Variants in PRF1 observed in about 807,000 individuals in gnomAD.
The protein encoded by PRF1 is perforin-1.
PRF1 carries 11 observed loss-of-function variants against 11.7 expected under a neutral mutation model. That is an observed-to-expected ratio of 0.94 (90% CI 0.59 to 1.56). The LOEUF (loss-of-function observed/expected upper bound fraction) is 1.56. Among genes scored for constraint, PRF1 ranks in the 40% most tolerant of loss-of-function variants. The pLI is 0.00. For missense variants in PRF1, 729 were observed against 751.0 expected (o/e 0.97, Z 0.34); for synonymous variants, 314 against 327.8 (o/e 0.96, Z 0.45).
At chr10:70,599,305 C>G in intron 2 of PRF1, 124 bp from the exon 3 acceptor site, 1 of 1,285,694 alleles carries the variant, frequency 7.8e-7, no homozygotes, top group Non-Finnish European at 1.1e-6. Context: ...AACCCAGGGG[C>G]CCGGCTCCAG....
At chr10:70,599,480 T>C (rs552322596) in intron 2 of PRF1, among the ~76,000 whole-genome samples, 145 of 152,334 alleles carry the variant, frequency 9.5e-4, no homozygotes, top group African/African-American at 3.4e-3. Context: ...CCGGGAGCAG[T>C]GGTTCATGCC....
Position 70,600,252 on chromosome 10 carries a change from G to C in PRF1, c.539+112C>G. 3.9e-6 allele frequency: 6 copies of C among 1,523,076 alleles called. No individual in the cohort carries two copies. The allele number at this position is 1,523,076 out of a possible 1,614,324, so 94.3% of individuals were successfully genotyped here. On this transcript the variant is annotated intron_variant, in intron 2 of 2. Transcript: ENST00000441259. The surrounding 1 kb of genome is among the most constrained non-coding windows in gnomAD (Gnocchi z 4.9). ...AGAGCCAGGATTGCAGTTTCTTCCTGGTGGAAGCAGCCTCCAAGTTTGATT... is the reference window on the plus strand; with the variant it reads ...AGAGCCAGGATTGCAGTTTCTTCCTCGTGGAAGCAGCCTCCAAGTTTGATT...
In PRF1 at chr10:70,600,742, C is replaced by T. The variant is rs150357196; in HGVS notation, c.161G>A (p.Arg54His). 4.6e-5 allele frequency: 74 copies of T among 1,613,108 alleles called. No homozygotes were observed. The African/African-American group carries it at 7.5e-4, about 16-fold the overall frequency. ...AGEGVDVTSL[R>H]RSGSFPVDTQ... ...GTCCACTGGGAAGGAGCCCGAGCGG[C>T]GGAGGCTGGTCACGTCCACACCCTC... Residue 54 changes from arginine to histidine, a missense_variant, in exon 2 of 3, where the codon CGC becomes CAC. Transcript: ENST00000441259. The surrounding 1 kb of genome is among the most constrained non-coding windows in gnomAD (Gnocchi z 4.9).
At chr10:70,601,841 A>G (rs1051267965) in intron 1 of PRF1, among the ~76,000 whole-genome samples, 1 of 51,622 alleles carries the variant, frequency 1.9e-5, no homozygotes, top group African/African-American at 7.4e-5. Flanking sequence ...AAAAAAAAAA[A>G]AAAAGGGGCA....
In PRF1 at chr10:70,598,919, TGCCTATGTTGACCTGG is replaced by T; in HGVS notation, c.786_801del (p.Gln263SerfsTer21). ...GCTTCGGCAGAGATGCTGCCGTGGA[TGCCTATGTTGACCTGG>T]GCCTCGACAGTCAGGCAGTCCTCCA... On this transcript the variant is annotated frameshift_variant, in exon 3 of 3. Coordinates refer to ENST00000441259, the MANE Select transcript of PRF1 (RefSeq NM_001083116.3). LOFTEE classifies it low-confidence loss of function (END_TRUNC). 1.9e-6 allele frequency: 3 copies of T among 1,614,248 alleles called. No homozygotes were observed. Among genetic ancestry groups the T allele is most frequent in the Non-Finnish European group, 2.5e-6 (3 of 1,180,036 alleles).
rs371232368 is a variant in PRF1 at position 70,598,514 on chromosome 10, T to C, written c.1207A>G (p.Thr403Ala). 12 of 1,613,212 alleles carry C rather than the reference T, an allele frequency of 7.4e-6. No individual in the cohort carries two copies. The African/African-American group carries it at 1.6e-4, about 22-fold the overall frequency. The change falls in exon 3 of 3, where the codon ACC (threonine) becomes GCC (alanine). Residue 403 changes from threonine to alanine, a missense_variant. By Grantham distance (58) the Thr-to-Ala change is moderately conservative (BLOSUM62 0). Transcript: ENST00000441259. ...CQCVCHGSAV[T>A]TQDCCPRQRG... is the part of the protein sequence containing the mutation. Reference sequence around the variant, plus strand: ...TGCCGAGGGCAGCAGTCCTGGGTGGTGACCGCTGAGCCATGGCACACACAC... The same window carrying C: ...TGCCGAGGGCAGCAGTCCTGGGTGGCGACCGCTGAGCCATGGCACACACAC...
rs1360774039 is a variant in PRF1 at position 70,600,875 on chromosome 10, T to C, written c.28A>G (p.Ile10Val). The change falls in exon 2 of 3, where the codon ATC (isoleucine) becomes GTC (valine). Residue 10 changes from isoleucine (I) to valine (V), a missense_variant. Physicochemically the swap from Ile to Val is conservative, Grantham distance 29. Transcript: ENST00000441259. This position sits in a 1 kb window ranked among gnomAD's most constrained non-coding sequence, Gnocchi z 4.9. ...GGCAGGGGCAGCAGCAGGAGAAGGATGCCCAGGAGGAGCAGACGGGCTGCC... is the reference window on the plus strand; with the variant it reads ...GGCAGGGGCAGCAGCAGGAGAAGGACGCCCAGGAGGAGCAGACGGGCTGCC... Reference protein sequence around the residue: MAARLLLLGILLLLLPLPVP... With the variant: MAARLLLLGVLLLLLPLPVP... 3.4e-5 allele frequency: 55 copies of C among 1,603,020 alleles called. No individual in the cohort carries two copies. The highest frequency in any genetic ancestry group is 4.7e-5 in the Non-Finnish European group (55 of 1,175,674).
In PRF1 at chr10:70,600,893, G is replaced by A. The variant is rs12161733; in HGVS notation, c.10C>T (p.Arg4Cys). 637 of 1,587,782 alleles carry A rather than the reference G, an allele frequency of 4.0e-4. 5 individuals carry two copies. In the African/African-American group the frequency reaches 5.1e-3, roughly 13 times the overall value. MAA[R>C]LLLLGILLLL... Reference sequence around the variant, plus strand: ...AGAAGGATGCCCAGGAGGAGCAGACGGGCTGCCATGGAGCTGCAGAGACAG... The same window carrying A: ...AGAAGGATGCCCAGGAGGAGCAGACAGGCTGCCATGGAGCTGCAGAGACAG... Residue 4 changes from arginine to cysteine, a missense_variant, in exon 2 of 3, where the codon CGT becomes TGT. Coordinates refer to ENST00000441259, the MANE Select transcript of PRF1 (RefSeq NM_001083116.3). The surrounding 1 kb of genome is among the most constrained non-coding windows in gnomAD (Gnocchi z 4.9).
In PRF1 at chr10:70,600,691, C is replaced by G; in HGVS notation, c.212G>C (p.Gly71Ala). The change falls in exon 2 of 3, where the codon GGC (glycine) becomes GCC (alanine). Residue 71 changes from glycine to alanine, a missense_variant. Physicochemically the swap from Gly to Ala is moderately conservative, Grantham distance 60 (BLOSUM62 0). Transcript: ENST00000441259. The surrounding 1 kb of genome is among the most constrained non-coding windows in gnomAD (Gnocchi z 4.9). ...VDTQRFLRPDGTCTLCENALQ... is the reference protein window; with the variant it reads ...VDTQRFLRPDATCTLCENALQ... ...GGCATTTTCACAGAGGGTGCAGGTG[C>G]CGTCGGGCCGCAGGAACCTTTGTGT... 1.2e-6 allele frequency: 2 copies of G among 1,613,858 alleles called. No individual in the cohort carries two copies. Among genetic ancestry groups the G allele is most frequent in the Non-Finnish European group, 1.7e-6 (2 of 1,179,936 alleles).
rs1181651833 is a variant in PRF1, at chr10:70,597,576, T to C, written c.*477A>G. On this transcript the variant is annotated 3_prime_UTR_variant, in exon 3 of 3. Transcript: ENST00000441259. ...TGAGCAGCCTGGTGGGAACAGCCTC[T>C]TGGCCTTCTGCCCAGCTCCTGGCTG... is the stretch of plus-strand genomic sequence containing the variant. 2 of 475,554 alleles carry C rather than the reference T, an allele frequency of 4.2e-6. No homozygotes were observed. The highest frequency in any genetic ancestry group is 7.5e-5 in the Admixed American group (2 of 26,576). The allele number at this position is 475,554 out of a possible 1,614,324, so 29.5% of individuals were successfully genotyped here. A position where few individuals can be genotyped will look rare whatever the true frequency, so the allele number is the denominator to read the frequency against.
rs1848174532 is a variant in PRF1, at chr10:70,598,807, C to T, written c.914G>A (p.Gly305Asp). The T allele has an allele frequency of 6.2e-7, 1 of 1,614,124 alleles. No individual in the cohort carries two copies. The highest frequency in any genetic ancestry group is 1.3e-5 in the African/African-American group (1 of 74,940). ...TYRERHSEVV[G>D]GHHTSINDLL... ...GTCGTTAATGGAGGTGTGATGGCCG[C>T]CAACCACTTCCGAGTGGCGCTCCCG... Residue 305 changes from glycine (G) to aspartate (D), a missense_variant, in exon 3 of 3, where the codon GGC becomes GAC. Physicochemically the swap from Gly to Asp is moderately conservative, Grantham distance 94. Transcript: ENST00000441259.
At position 70,598,653 on chromosome 10, in the gene PRF1, C is replaced by T; in HGVS notation, c.1068G>A (p.Arg356=). 6.2e-7 allele frequency: 1 copy of T among 1,613,750 alleles called. No homozygotes were observed. The highest frequency in any genetic ancestry group is 8.5e-7 in the Non-Finnish European group (1 of 1,180,000). ...LHVLLDSQDP[R]REALRRALSQ... ...TCAGGGCCCTCCTCAGTGCCTCCCG[C>T]CGCGGGTCCTGGCTGTCCAGCAGCA... Residue 356 remains arginine (R), a synonymous_variant, in exon 3 of 3, where the codon CGG becomes CGA. Coordinates refer to ENST00000441259, the MANE Select transcript of PRF1 (RefSeq NM_001083116.3).
Position 70,599,156 on chromosome 10 carries a change from GC to G in PRF1, c.564del (p.Leu189CysfsTer70). On this transcript the variant is annotated frameshift_variant, in exon 3 of 3. Transcript: ENST00000441259. LOFTEE classifies it low-confidence loss of function (END_TRUNC). ...AGGGCCCTCTTGAAGTCAGGGTGCA[GC>G]GGGGGAGTGTGTACCACATGGAAAC... ...FYSFHVVHTP[P>X]LHPDFKRALG... 2 of 1,614,216 alleles carry G rather than the reference GC, an allele frequency of 1.2e-6. No homozygotes were observed. Among genetic ancestry groups the G allele is most frequent in the Non-Finnish European group, 1.7e-6 (2 of 1,180,040 alleles).
At chr10:70,599,833 G>T (rs753622440) in intron 2 of PRF1, among the ~76,000 whole-genome samples, 2 of 152,210 alleles carry the variant, frequency 1.3e-5, no homozygotes, top group African/African-American at 4.8e-5. Flanking sequence ...TTTCTCAGAC[G>T]TGGAATATGG....
chr10:70,598,260 A>G lies in PRF1; in HGVS notation c.1461T>C (p.Ser487=). Residue 487 remains serine, a synonymous_variant, in exon 3 of 3, where the codon TCT becomes TCC. Transcript: ENST00000441259. ...TGCCAAGGAGGTCATCGTCCCTGCC[A>G]GAGTCCTGATCCCAGACCTGCAACC... is the stretch of plus-strand genomic sequence containing the variant. The part of the protein sequence containing the change: ...PLRLQVWDQD[S]GRDDDLLGTC... 1 of 1,614,242 alleles carries G rather than the reference A, an allele frequency of 6.2e-7. No individual in the cohort carries two copies. Among genetic ancestry groups the G allele is most frequent in the Non-Finnish European group, 8.5e-7 (1 of 1,180,038 alleles).
In PRF1 at chr10:70,600,676, C is replaced by T. The variant is rs776657932; in HGVS notation, c.227G>A (p.Cys76Tyr). ...FLRPDGTCTL[C>Y]ENALQEGTLQ... ...GGTGCCCTCCTGTAGGGCATTTTCA[C>T]AGAGGGTGCAGGTGCCGTCGGGCCG... is the stretch of plus-strand genomic sequence containing the variant. Residue 76 changes from cysteine (C) to tyrosine (Y), a missense_variant, in exon 2 of 3, where the codon TGT (cysteine) becomes TAT (tyrosine). Cys to Tyr is a radical substitution (Grantham distance 194). Transcript: ENST00000441259. This position sits in a 1 kb window ranked among gnomAD's most constrained non-coding sequence, Gnocchi z 4.9. 6.8e-6 allele frequency: 11 copies of T among 1,613,724 alleles called. No homozygotes were observed. The highest frequency in any genetic ancestry group is 2.2e-5 in the South Asian group (2 of 91,066).
chr10:70,600,764 C>A lies in PRF1; in HGVS notation c.139G>T (p.Gly47Cys), dbSNP rs1483146792. ...FVPGAWLAGE[G>C]VDVTSLRRSG... ...CGGCGGAGGCTGGTCACGTCCACAC[C>A]CTCCCCGGCCAGCCATGCACCAGGC... is the stretch of plus-strand genomic sequence containing the variant. Residue 47 changes from glycine to cysteine, a missense_variant, in exon 2 of 3, where the codon GGT becomes TGT. Physicochemically the swap from Gly to Cys is radical, Grantham distance 159. Transcript: ENST00000441259. This position sits in a 1 kb window ranked among gnomAD's most constrained non-coding sequence, Gnocchi z 4.9. 4 of 1,611,258 alleles carry A rather than the reference C, an allele frequency of 2.5e-6. No individual in the cohort carries two copies. The highest frequency in any genetic ancestry group is 4.5e-5 in the East Asian group (2 of 44,816).
In PRF1 at chr10:70,600,709, C is replaced by T. The variant is rs750244443; in HGVS notation, c.194G>A (p.Arg65Lys). The T allele has an allele frequency of 1.2e-6, 2 of 1,613,906 alleles. No homozygotes were observed. The highest frequency in any genetic ancestry group is 2.2e-5 in the South Asian group (2 of 91,072). The change falls in exon 2 of 3, where the codon AGG becomes AAG. Residue 65 changes from arginine to lysine, a missense_variant. By Grantham distance (26) the Arg-to-Lys change is conservative. Transcript: ENST00000441259. This position sits in a 1 kb window ranked among gnomAD's most constrained non-coding sequence, Gnocchi z 4.9. ...RSGSFPVDTQ[R>K]FLRPDGTCTL... ...GCAGGTGCCGTCGGGCCGCAGGAACCTTTGTGTGTCCACTGGGAAGGAGCC... is the reference window on the plus strand; with the variant it reads ...GCAGGTGCCGTCGGGCCGCAGGAACTTTTGTGTGTCCACTGGGAAGGAGCC...
In PRF1 at chr10:70,598,743, T is replaced by C; in HGVS notation, c.978A>G (p.Ser326=). 1 of 1,614,208 alleles carries C rather than the reference T, an allele frequency of 6.2e-7. No homozygotes were observed. Among genetic ancestry groups the C allele is most frequent in the East Asian group, 2.2e-5 (1 of 44,882 alleles). ...FGIQAGPEQY[S]AWVNSLPGSP... ...TGCCGGGCAGCGAGTTTACCCAGGCTGAGTACTGCTCGGGCCCGGCCTGGA... is the reference window on the plus strand; with the variant it reads ...TGCCGGGCAGCGAGTTTACCCAGGCCGAGTACTGCTCGGGCCCGGCCTGGA... Residue 326 remains serine (S), a synonymous_variant, in exon 3 of 3, where the codon TCA becomes TCG. Coordinates refer to ENST00000441259, the MANE Select transcript of PRF1 (RefSeq NM_001083116.3).
Sources: allele counts gnomAD v4.1 joint callset (sites outside exome capture counted in the v4.1 genomes callset), GRCh38; gene constraint gnomAD v4.1.1; non-coding constraint Gnocchi (gnomAD v3.1); transcripts MANE v1.5; gene names NCBI Gene and HGNC (gene_info 2026-07-23, HGNC 2026-07-21).